MMP20: variants seen among roughly 807,000 people sequenced by gnomAD.
MMP20 encodes the protein matrix metalloproteinase-20.
Under a neutral mutation model 51.8 loss-of-function variants are expected in MMP20, and 50 were observed. That is an observed-to-expected ratio of 0.97 (90% CI 0.77 to 1.22). MMP20 has a LOEUF of 1.22. Among genes scored for constraint, MMP20 ranks in the 50% most tolerant of loss-of-function variants. MMP20 has a pLI of 0.00. For missense variants in MMP20, 663 were observed against 601.4 expected (o/e 1.10, Z -1.07); for synonymous variants, 244 against 216.2 (o/e 1.13, Z -1.13).
chr11:102,579,191 G>A (rs762138369), intron 8 of MMP20, 49 bp from the exon 9 acceptor site: 2 of 1,302,724 alleles, frequency 1.5e-6, no homozygotes, highest in South Asian at 2.4e-5. Flanking sequence ...GGTTTTTACT[G>A]GTTGTAGATG....
At chr11:102,607,715 C>T (rs17174327) in intron 5 of MMP20, 13,379 of 152,164 alleles carry the variant, frequency 0.088, 751 homozygotes, top group Non-Finnish European at 0.13. Context: ...AATAGCTGTG[C>T]CAAAATATGT....
At chr11:102,578,351 G>A (rs1859150979) in intron 9 of MMP20, among the ~76,000 whole-genome samples, 2 of 151,996 alleles carry the variant, frequency 1.3e-5, no homozygotes, top group African/African-American at 4.8e-5. Flanking sequence ...TGCCCAAGCT[G>A]GTATTGAATT....
intron 3 of MMP20, 80 bp downstream of exon 3, chr11:102,611,675 C>T (rs1859601552): frequency 6.5e-7 from 1 of 1,547,600 alleles, no homozygotes; most frequent in Non-Finnish European, 8.8e-7. Context: ...TGTGTGATCA[C>T]TCGAATTAAA....
intron 1 of MMP20, among the ~76,000 whole-genome samples, chr11:102,622,648 T>A (rs977071750): frequency 1.3e-5 from 2 of 152,192 alleles, no homozygotes; most frequent in Non-Finnish European, 2.9e-5. Flanking sequence ...ACTGATCACT[T>A]TCTGAAACAT....
chr11:102,586,816 C>CAAA (rs201499041), intron 8 of MMP20, among the ~76,000 whole-genome samples: 1 of 138,532 alleles, frequency 7.2e-6, no homozygotes, highest in African/African-American at 2.7e-5. Context: ...GACTCCGCCT[C>CAAA]AAAAAAAAAA....
intron 1 of MMP20, among the ~76,000 whole-genome samples, chr11:102,617,871 A>G (rs1425799599): frequency 6.6e-6 from 1 of 152,170 alleles, no homozygotes; most frequent in East Asian, 1.9e-4. Flanking sequence ...TGGCTCAGGA[A>G]TTTCACCTAC....
chr11:102,599,044 G>T lies in MMP20; in HGVS notation c.954-4287C>A, dbSNP rs1412150543. ...TTTTTTTTTTTTGAGATGGAGTCTTGCTTTGGTGCCTAGGCTGGAGTGCAG... is the reference window on the plus strand; with the variant it reads ...TTTTTTTTTTTTGAGATGGAGTCTTTCTTTGGTGCCTAGGCTGGAGTGCAG... On this transcript the variant is annotated intron_variant, in intron 6 of 9. Coordinates refer to ENST00000260228, the MANE Select transcript of MMP20 (RefSeq NM_004771.4). 3.7e-5 allele frequency among the ~76,000 whole-genome samples: 5 copies of T among 135,204 alleles called. No homozygotes were observed. In the East Asian group the frequency reaches 1.1e-3, roughly 28 times the overall value. 88.7% of individuals were successfully genotyped at this position (135,204 alleles called of 152,430 possible).
intron 6 of MMP20, among the ~76,000 whole-genome samples, chr11:102,600,557 C>T (rs1180525169): frequency 3.9e-5 from 6 of 152,174 alleles, no homozygotes; most frequent in Non-Finnish European, 7.3e-5. Flanking sequence ...AATCTCAGCT[C>T]ACTGCAACCT....
At position 102,616,889 on chromosome 11, in the gene MMP20, G is replaced by A. The variant is rs371625120; in HGVS notation, c.297C>T (p.Arg99=). The part of the protein sequence containing the change: ...QTTMNVIKKP[R]CGVPDVANYR... ...AATTGGCCACATCAGGAACTCCACA[G>A]CGAGGCTTCTTGATCACGTTCATTG... The change falls in exon 2 of 10, where the codon CGC becomes CGT. Residue 99 remains arginine, a synonymous_variant. Transcript: ENST00000260228. 16 of 1,614,082 alleles carry A rather than the reference G, an allele frequency of 9.9e-6. No individual in the cohort carries two copies. Among genetic ancestry groups the A allele is most frequent in the African/African-American group, 1.3e-5 (1 of 74,920 alleles).
At position 102,602,834 on chromosome 11, in the gene MMP20, C is replaced by G. The variant is rs1180812621; in HGVS notation, c.953+3701G>C. ...ACCCTTAAAATTATATTGGGCAAAACCCAACATAATATGATAGATGCAAAT... is the reference window on the plus strand; with the variant it reads ...ACCCTTAAAATTATATTGGGCAAAAGCCAACATAATATGATAGATGCAAAT... On this transcript the variant is annotated intron_variant, in intron 6 of 9. Transcript: ENST00000260228. 2.6e-5 allele frequency among the ~76,000 whole-genome samples: 4 copies of G among 152,244 alleles called. No homozygotes were observed. The East Asian group carries it at 7.7e-4, about 29-fold the overall frequency.
chr11:102,625,072 C>T, intron 1 of MMP20, 122 bp downstream of exon 1: 2 of 1,325,884 alleles, frequency 1.5e-6, no homozygotes, highest in Non-Finnish European at 2.1e-6. Flanking sequence ...AGTTAGACTT[C>T]AATGGACTTA....
chr11:102,622,743 C>G (rs1859766518), intron 1 of MMP20, among the ~76,000 whole-genome samples: 1 of 152,224 alleles, frequency 6.6e-6, no homozygotes, highest in Non-Finnish European at 1.5e-5. Context: ...AGCATAAGAA[C>G]AGGGGCTTGA....
chr11:102,593,190 T>C (rs572990378), intron 8 of MMP20, among the ~76,000 whole-genome samples: 1 of 152,278 alleles, frequency 6.6e-6, no homozygotes, highest in Non-Finnish European at 1.5e-5. Flanking sequence ...AATGAGTGCA[T>C]TGAAAGATCA....
intron 8 of MMP20, among the ~76,000 whole-genome samples, chr11:102,590,863 A>G (rs1859309123): frequency 1.3e-5 from 2 of 152,114 alleles, no homozygotes; most frequent in South Asian, 4.2e-4. Flanking sequence ...TCCCCTGGCC[A>G]CCTCGAGTCA....
intron 6 of MMP20, among the ~76,000 whole-genome samples, chr11:102,599,623 A>G (rs73580733): frequency 0.029 from 4,444 of 152,322 alleles, 216 homozygotes; most frequent in African/African-American, 0.1. Context: ...ATTTATTAAT[A>G]GATGATATGC....
chr11:102,597,908 C>T (rs1859401399), intron 6 of MMP20, among the ~76,000 whole-genome samples: 1 of 152,086 alleles, frequency 6.6e-6, no homozygotes, highest in Non-Finnish European at 1.5e-5. Context: ...GCTGGGATTA[C>T]AGGCATGTGA....
intron 6 of MMP20, among the ~76,000 whole-genome samples, chr11:102,600,397 T>A (rs960552662): frequency 2.6e-5 from 4 of 152,362 alleles, no homozygotes; most frequent in African/African-American, 9.6e-5. Flanking sequence ...CACTGCCAAC[T>A]ATTATCTTAA....
At chr11:102,581,813 C>T (rs75069142) in intron 8 of MMP20, among the ~76,000 whole-genome samples, 7 of 152,092 alleles carry the variant, frequency 4.6e-5, no homozygotes, top group African/African-American at 1.7e-4. Context: ...CAGCATGATT[C>T]CTGGCACACA....
chr11:102,621,699 T>C (rs1859752783), intron 1 of MMP20, among the ~76,000 whole-genome samples: 1 of 152,204 alleles, frequency 6.6e-6, no homozygotes, highest in Admixed American at 6.5e-5. Context: ...TTAAAGGAAA[T>C]GGTCAAATAA....
Sources: gnomAD v4.1 joint callset for allele counts (sites outside exome capture counted in the v4.1 genomes callset) on GRCh38, gnomAD v4.1.1 for gene constraint, MANE v1.5 for transcripts, NCBI Gene and HGNC (gene_info 2026-07-23, HGNC 2026-07-21) for gene names.